The following MAP3K13 variants were observed in gnomAD, a reference collection of about 807,000 sequenced individuals.
MAP3K13 encodes mitogen-activated protein kinase kinase kinase 13, also known as leucine zipper-bearing kinase.
Under a neutral mutation model 104.0 loss-of-function variants are expected in MAP3K13, and 52 were observed. The observed-to-expected ratio is 0.50, with a 90% CI of 0.40 to 0.63. The LOEUF (loss-of-function observed/expected upper bound fraction) is 0.63. MAP3K13 is among the 20% of genes least tolerant of loss of function. The pLI, the probability that MAP3K13 is intolerant of heterozygous loss-of-function variation, is 0.00. For synonymous variants in MAP3K13, 394 were observed against 442.2 expected (o/e 0.89, Z 1.37); for missense variants, 914 against 1,218.5 (o/e 0.75, Z 3.72).
At position 185,428,632 on chromosome 3, in the gene MAP3K13, C is replaced by G; in HGVS notation, c.51C>G (p.Pro17=). ...HLSCSSSPHL[P]FSESKTFNGL... ...GCTGCTCCTCTTCTCCACACTTACC[C>G]TTCAGTGAAAGCAAAACCTTCAATG... is the stretch of plus-strand genomic sequence containing the variant. Residue 17 remains proline (P), a synonymous_variant, in exon 2 of 14, where the codon CCC becomes CCG. Transcript: ENST00000265026. The G allele has an allele frequency of 6.2e-7, 1 of 1,613,190 alleles. No homozygotes were observed. Among genetic ancestry groups the G allele is most frequent in the Non-Finnish European group, 8.5e-7 (1 of 1,179,386 alleles).
chr3:185,393,190 A>AAAT (rs5855061), intron 1 of MAP3K13, among the ~76,000 whole-genome samples: 144,052 of 152,178 alleles, frequency 0.95, 68,214 homozygotes, highest in East Asian at 1. Context: ...TATAAGAGAA[A>AAAT]AATAAGTCAT....
intron 2 of MAP3K13, among the ~76,000 whole-genome samples, chr3:185,294,108 G>C (rs1720837528): frequency 6.6e-6 from 1 of 152,126 alleles, no homozygotes; most frequent in African/African-American, 2.4e-5. Flanking sequence ...CGAGAATGTA[G>C]TTAGCATGAC....
intron 1 of MAP3K13, among the ~76,000 whole-genome samples, chr3:185,374,181 G>A (rs1246981539): frequency 2.0e-5 from 3 of 152,096 alleles, no homozygotes; most frequent in Non-Finnish European, 4.4e-5. Flanking sequence ...CCATCTAGAT[G>A]TATACTGCAG....
rs576736286 is a variant in MAP3K13 at position 185,352,578 on chromosome 3, C to A, written c.-86+66935C>A. On this transcript the variant is annotated intron_variant, in intron 2 of 14. Transcript: ENST00000424227. ...CTGTTATAATTTTAAGCCACTAAAA[C>A]AATTTTTATTTTCCTATTTATTGTG... Among the ~76,000 whole-genome samples, 3 of 152,294 alleles carry A rather than the reference C, an allele frequency of 2.0e-5. No homozygotes were observed. The South Asian group carries it at 6.2e-4, about 32-fold the overall frequency.
chr3:185,352,962 G>C (rs966182784), intron 2 of MAP3K13, among the ~76,000 whole-genome samples: 2 of 152,156 alleles, frequency 1.3e-5, no homozygotes, highest in Non-Finnish European at 2.9e-5. Flanking sequence ...TACTACTTGA[G>C]GTAAAGATAT....
rs1416020983 is a variant in MAP3K13 at position 185,451,345 on chromosome 3, G to A, written c.1228G>A (p.Ala410Thr). The change falls in exon 7 of 14, where the codon GCC becomes ACC. Residue 410 changes from alanine to threonine, a missense_variant. This residue lies in a region of MAP3K13 where 583 missense variants were observed against 737.4 expected (regional missense o/e 0.79). Coordinates refer to ENST00000265026, the MANE Select transcript of MAP3K13 (RefSeq NM_004721.5). ...GCAGACACTCATGCATTTAGACATT[G>A]CCTCTGCAGATGTACTTGCCACCCC... is the stretch of plus-strand genomic sequence containing the variant. ...FRQTLMHLDI[A>T]SADVLATPQE... is the part of the protein sequence containing the mutation. 1.2e-6 allele frequency: 2 copies of A among 1,613,746 alleles called. No homozygotes were observed. Among genetic ancestry groups the A allele is most frequent in the Non-Finnish European group, 8.5e-7 (1 of 1,179,734 alleles).
intron 1 of MAP3K13, among the ~76,000 whole-genome samples, chr3:185,405,669 TTG>T (rs1216540424): frequency 6.6e-6 from 1 of 152,244 alleles, no homozygotes; most frequent in Non-Finnish European, 1.5e-5. Flanking sequence ...CCTCACTTTC[TTG>T]CTCAAATGTC....
chr3:185,402,271 A>G (rs2108778344), intron 1 of MAP3K13, among the ~76,000 whole-genome samples: 1 of 152,240 alleles, frequency 6.6e-6, no homozygotes, highest in East Asian at 1.9e-4. Flanking sequence ...CTTAGCACAT[A>G]CAAATTATTA....
At chr3:185,293,030 C>T (rs559679742) in intron 2 of MAP3K13, 24 of 984,758 alleles carry the variant, frequency 2.4e-5, no homozygotes, top group Admixed American at 1.2e-4. Flanking sequence ...TGTGTGTGAA[C>T]GTGTGTGTAC....
At chr3:185,377,568 A>G (rs1013644002) in intron 1 of MAP3K13, among the ~76,000 whole-genome samples, 1 of 152,018 alleles carries the variant, frequency 6.6e-6, no homozygotes, top group Non-Finnish European at 1.5e-5. Context: ...GCATAAAAGA[A>G]TGTTGTCCAA....
In MAP3K13 at chr3:185,374,079, A is replaced by C. The variant is rs1344576396; in HGVS notation, c.-86+10711A>C. ...GGGGAGACTACAAAGTACATTGATC[A>C]GTTAGGCTGGGGCAGAAACAAATCA... is the stretch of plus-strand genomic sequence containing the variant. On this transcript the variant is annotated intron_variant, in intron 1 of 13. Coordinates refer to ENST00000265026, the MANE Select transcript of MAP3K13 (RefSeq NM_004721.5). 2.0e-5 allele frequency among the ~76,000 whole-genome samples: 3 copies of C among 152,128 alleles called. No individual in the cohort carries two copies. In the East Asian group the frequency reaches 5.8e-4, roughly 29 times the overall value.
chr3:185,441,436 T>C (rs1016746826), intron 3 of MAP3K13, among the ~76,000 whole-genome samples: 5 of 152,144 alleles, frequency 3.3e-5, no homozygotes, highest in African/African-American at 7.2e-5. Context: ...GACCTTTCCC[T>C]TCAAGGAGCT....
chr3:185,410,723 T>G (rs1713391475), intron 1 of MAP3K13, among the ~76,000 whole-genome samples: 1 of 152,030 alleles, frequency 6.6e-6, no homozygotes. Flanking sequence ...TCACCTGAGG[T>G]CAGCAGTTCA....
At chr3:185,443,726 C>T in intron 4 of MAP3K13, 90 bp downstream of exon 4, 2 of 1,094,312 alleles carry the variant, frequency 1.8e-6, no homozygotes, top group Non-Finnish European at 2.7e-6. Context: ...TTTCAGACAT[C>T]ATACCTTTAG....
intron 2 of MAP3K13, among the ~76,000 whole-genome samples, chr3:185,432,718 A>G (rs1714817898): frequency 6.6e-6 from 1 of 152,188 alleles, no homozygotes; most frequent in Non-Finnish European, 1.5e-5. Context: ...AGGAGGTTTT[A>G]AAATTTTTTG....
At chr3:185,386,638 A>G (rs1329560994) in intron 1 of MAP3K13, among the ~76,000 whole-genome samples, 1 of 152,244 alleles carries the variant, frequency 6.6e-6, no homozygotes, top group Non-Finnish European at 1.5e-5. Flanking sequence ...TAGCAAAGAC[A>G]GGGAGTCAAC....
intron 2 of MAP3K13, among the ~76,000 whole-genome samples, chr3:185,340,365 C>T (rs1170656169): frequency 6.6e-6 from 1 of 151,998 alleles, no homozygotes; most frequent in Non-Finnish European, 1.5e-5. Flanking sequence ...GCCATGCAGC[C>T]TAATAGGTTG....
intron 1 of MAP3K13, among the ~76,000 whole-genome samples, chr3:185,382,678 T>C (rs935775516): frequency 8.6e-5 from 13 of 151,956 alleles, no homozygotes; most frequent in Admixed American, 1.3e-4. Flanking sequence ...GTTTTCACTC[T>C]ATTAGTTCCC....
chr3:185,288,533 T>TG (rs61284163), intron 2 of MAP3K13, among the ~76,000 whole-genome samples: 116,706 of 147,604 alleles, frequency 0.79, 46,068 homozygotes, highest in Non-Finnish European at 0.83. Flanking sequence ...TGTGTGTGTG[T>TG]TTGTGTGTAT....
Sources: gnomAD v4.1 joint callset for allele counts (sites outside exome capture counted in the v4.1 genomes callset) on GRCh38, gnomAD v4.1.1 for gene constraint, gnomAD v4.1.1 regional missense constraint, MANE v1.5 for transcripts, NCBI Gene and HGNC (gene_info 2026-07-23, HGNC 2026-07-21) for gene names.